Variants in ASAP1 observed in about 807,000 individuals in gnomAD.
The protein encoded by ASAP1 is ArfGAP with SH3 domain, ankyrin repeat and PH domain 1, also known as arf-GAP with SH3 domain, ANK repeat and PH domain-containing protein 1.
In ASAP1, 43 loss-of-function variants were observed where a neutral mutation model predicts 145.2. The observed-to-expected ratio is 0.30, with a 90% CI of 0.23 to 0.38. The LOEUF (loss-of-function observed/expected upper bound fraction) is 0.38. Ranked by LOEUF, ASAP1 falls within the 10% of genes least tolerant of loss-of-function variation. ASAP1 has a pLI of 1.00. For missense variants in ASAP1, 1,018 were observed against 1,355.3 expected (o/e 0.75, Z 3.91); for synonymous variants, 546 against 515.5 (o/e 1.06, Z -0.80).
chr8:130,099,680 CTTTTT>C (rs57950334), intron 24 of ASAP1, among the ~76,000 whole-genome samples: 4 of 100,204 alleles, frequency 4.0e-5, no homozygotes, highest in South Asian at 3.6e-4. Context: ...GGATTTCATT[CTTTTT>C]TTTTTTTTTT....
intron 1 of ASAP1, among the ~76,000 whole-genome samples, chr8:130,418,863 G>T (rs973131540): frequency 2.6e-5 from 4 of 151,632 alleles, no homozygotes; most frequent in Non-Finnish European, 5.9e-5. Flanking sequence ...CTCTGACCTT[G>T]TGGCTCTGAT....
intron 23 of ASAP1, among the ~76,000 whole-genome samples, chr8:130,115,222 A>T (rs148418858): frequency 6.6e-6 from 1 of 152,198 alleles, no homozygotes; most frequent in African/African-American, 2.4e-5. Flanking sequence ...TGCCTCACCT[A>T]ATCAGCCAAA....
At chr8:130,204,953 A>G (rs945584006) in intron 5 of ASAP1, among the ~76,000 whole-genome samples, 1 of 152,250 alleles carries the variant, frequency 6.6e-6, no homozygotes, top group Admixed American at 6.5e-5. Context: ...GTATAGTAAA[A>G]GTTAACCATA....
At chr8:130,282,069 GAAAA>G (rs36024310) in intron 3 of ASAP1, among the ~76,000 whole-genome samples, 1 of 128,016 alleles carries the variant, frequency 7.8e-6, no homozygotes. Flanking sequence ...ACTCTGCCTC[GAAAA>G]AAAAAAAAAA....
intron 1 of ASAP1, among the ~76,000 whole-genome samples, chr8:130,415,620 T>A (rs1356643983): frequency 6.6e-6 from 1 of 152,124 alleles, no homozygotes; most frequent in Non-Finnish European, 1.5e-5. Flanking sequence ...AAACCCCATT[T>A]CTACGAAAAA....
rs58143591 is a variant in ASAP1 at position 130,279,832 on chromosome 8, G to A, written c.187-42838C>T. The stretch of plus-strand genomic sequence containing the variant: ...CCGGTCCACTAAAATAGTTAGGGGC[G>A]TCCATAACTAAAGCGACCCTGAGCT... On this transcript the variant is annotated intron_variant, in intron 3 of 29. Transcript: ENST00000518721. Among the ~76,000 whole-genome samples the A allele has an allele frequency of 3.6e-3, 545 of 152,294 alleles. 3 individuals carry two copies. Among genetic ancestry groups the A allele is most frequent in the African/African-American group, 0.013 (528 of 41,560 alleles).
chr8:130,153,332 A>AATATATAT lies in ASAP1; in HGVS notation c.1011-535_1011-528dup, dbSNP rs67554567. ...AGCACCTGGCCAGCACTGCTTTTTA[A>AATATATAT]ATATATATATATATATATATATATA... On this transcript the variant is annotated intron_variant, in intron 12 of 29. Coordinates refer to ENST00000518721, the MANE Select transcript of ASAP1 (RefSeq NM_018482.4). Among the ~76,000 whole-genome samples, 821 of 87,358 alleles carry AATATATAT rather than the reference A, an allele frequency of 9.4e-3. 14 individuals carry two copies. Among genetic ancestry groups the AATATATAT allele is most frequent in the African/African-American group, 0.022 (499 of 22,612 alleles). The allele number at this position is 87,358 out of a possible 152,430, so 57.3% of individuals were successfully genotyped here.
chr8:130,187,673 T>C (rs1328548062), intron 6 of ASAP1, among the ~76,000 whole-genome samples: 3 of 152,194 alleles, frequency 2.0e-5, no homozygotes, highest in Non-Finnish European at 2.9e-5. Context: ...CCCGCCGCCA[T>C]GGTCTCCCAA....
intron 4 of ASAP1, among the ~76,000 whole-genome samples, chr8:130,225,325 T>C (rs185530824): frequency 3.3e-5 from 5 of 152,346 alleles, no homozygotes; most frequent in Non-Finnish European, 7.4e-5. Context: ...TTTCCGGCCT[T>C]ATGTTCCTAA....
chr8:130,057,975 C>T lies in ASAP1; in HGVS notation c.3294G>A (p.Gly1098=), dbSNP rs1189904427. The change falls in exon 29 of 30, where the codon GGG becomes GGA. Residue 1098 remains glycine, a synonymous_variant. Coordinates refer to ENST00000518721, the MANE Select transcript of ASAP1 (RefSeq NM_018482.4). ...FIEGEVIIVT[G]EEDQEWWIGH... Reference sequence around the variant, plus strand: ...GTACCCACCACTCCTGGTCCTCTTCCCCTGTGACGATAATCACTTCTCCCT... The same window carrying T: ...GTACCCACCACTCCTGGTCCTCTTCTCCTGTGACGATAATCACTTCTCCCT... 2.5e-6 allele frequency: 4 copies of T among 1,614,112 alleles called. No individual in the cohort carries two copies. The highest frequency in any genetic ancestry group is 3.4e-6 in the Non-Finnish European group (4 of 1,180,046).
chr8:130,291,900 T>C (rs1359105768), intron 3 of ASAP1, among the ~76,000 whole-genome samples: 5 of 152,136 alleles, frequency 3.3e-5, no homozygotes, highest in Non-Finnish European at 7.3e-5. Flanking sequence ...TGAGGAAAGG[T>C]AATGTGCACG....
At chr8:130,292,116 T>C (rs1436305276) in intron 3 of ASAP1, among the ~76,000 whole-genome samples, 1 of 152,098 alleles carries the variant, frequency 6.6e-6, no homozygotes, top group Non-Finnish European at 1.5e-5. Context: ...ACTACCCTTT[T>C]GGATGCTATT....
At chr8:130,294,651 G>C (rs940909309) in intron 3 of ASAP1, among the ~76,000 whole-genome samples, 1 of 152,174 alleles carries the variant, frequency 6.6e-6, no homozygotes, top group Admixed American at 6.5e-5. Context: ...TCCCTTACTG[G>C]GGTTACTGCT....
At chr8:130,292,271 C>T (rs77095555) in intron 3 of ASAP1, among the ~76,000 whole-genome samples, 3,965 of 152,314 alleles carry the variant, frequency 0.026, 62 homozygotes, top group Middle Eastern at 0.044. Flanking sequence ...GTGAAGAAGA[C>T]TCTTTCTAGA....
chr8:130,136,560 CT>C (rs79726935), intron 14 of ASAP1, among the ~76,000 whole-genome samples: 43,164 of 144,062 alleles, frequency 0.3, 6,387 homozygotes, highest in East Asian at 0.5. Flanking sequence ...CACCTAGTGG[CT>C]TTTTTTTTTT....
chr8:130,168,542 A>G (rs919025943), intron 10 of ASAP1, among the ~76,000 whole-genome samples: 2 of 152,184 alleles, frequency 1.3e-5, no homozygotes, highest in Non-Finnish European at 2.9e-5. Context: ...GTGAGCCAAG[A>G]TCGTGCCACT....
At chr8:130,315,943 T>C (rs1823639030) in intron 3 of ASAP1, among the ~76,000 whole-genome samples, 1 of 152,222 alleles carries the variant, frequency 6.6e-6, no homozygotes, top group African/African-American at 2.4e-5. Flanking sequence ...CCTGGTTTCA[T>C]GGCTCATCTT....
chr8:130,245,512 C>T (rs1357165906), intron 3 of ASAP1, among the ~76,000 whole-genome samples: 2 of 152,142 alleles, frequency 1.3e-5, no homozygotes, highest in East Asian at 1.9e-4. Context: ...CCACCTTCGA[C>T]CAATATCTCC....
At position 130,322,919 on chromosome 8, in the gene ASAP1, G is replaced by A. The variant is rs114787719; in HGVS notation, c.186+35098C>T. Among the ~76,000 whole-genome samples, 6 of 152,270 alleles carry A rather than the reference G, an allele frequency of 3.9e-5. No individual in the cohort carries two copies. In the East Asian group the frequency reaches 7.7e-4, roughly 20 times the overall value. ...TTGAGGAGAAGGAAGTCCATGTGTC[G>A]GATGGAACTTTCTAACAAAACACCC... On this transcript the variant is annotated intron_variant, in intron 3 of 29. Transcript: ENST00000518721.
Sources: allele counts gnomAD v4.1 joint callset (sites outside exome capture counted in the v4.1 genomes callset), GRCh38; gene constraint gnomAD v4.1.1; transcripts MANE v1.5; gene names NCBI Gene and HGNC (gene_info 2026-07-23, HGNC 2026-07-21).